C16orf74: variants seen among roughly 807,000 people sequenced by gnomAD.
C16orf74 encodes the protein calcimembrin.
Under a neutral mutation model 6.5 loss-of-function variants are expected in C16orf74, and 10 were observed. The ratio of observed to expected loss-of-function variants is 1.54; its 90% CI spans 0.95 to 2.61. The LOEUF is 2.61. Among genes scored for constraint, C16orf74 ranks in the 30% most tolerant of loss-of-function variants. C16orf74 has a pLI of 0.00. For missense variants in C16orf74, 141 were observed against 105.9 expected, an observed-to-expected ratio of 1.33 and a Z score of -1.45; for synonymous variants, 60 against 42.5, an observed-to-expected ratio of 1.41 and a Z score of -1.60.
chr16:85,735,967 G>T (rs369694), intron 1 of C16orf74, among the ~76,000 whole-genome samples: 43,965 of 152,034 alleles, frequency 0.29, 6,688 homozygotes, highest in Middle Eastern at 0.38. Context: ...GCTCAGAGAG[G>T]TGGCGGCACC....
intron 2 of C16orf74, chr16:85,710,713 T>TC (rs1267987679): frequency 6.0e-6 from 1 of 167,384 alleles, no homozygotes; most frequent in African/African-American, 2.4e-5. Context: ...TGGGGCCCCT[T>TC]CGTGCCTTTG....
At chr16:85,709,495 G>A (rs1317609983) in intron 3 of C16orf74, among the ~76,000 whole-genome samples, 13 of 147,398 alleles carry the variant, frequency 8.8e-5, no homozygotes, top group Admixed American at 1.3e-4. Context: ...CATCCCCAAT[G>A]TTATTATTAT....
intron 1 of C16orf74, among the ~76,000 whole-genome samples, chr16:85,745,557 G>C (rs2054364231): frequency 1.3e-5 from 2 of 152,138 alleles, no homozygotes; most frequent in East Asian, 1.9e-4. Context: ...CTGCTGGCTG[G>C]AGGGACCCTG....
At chr16:85,723,702 G>A (rs1253065143) in intron 2 of C16orf74, among the ~76,000 whole-genome samples, 4 of 152,222 alleles carry the variant, frequency 2.6e-5, no homozygotes, top group Non-Finnish European at 2.9e-5. Context: ...CTTGGGCAAG[G>A]CAGGCCGGAT....
At chr16:85,746,303 T>A (rs2054372716) in intron 1 of C16orf74, among the ~76,000 whole-genome samples, 1 of 152,138 alleles carries the variant, frequency 6.6e-6, no homozygotes, top group Non-Finnish European at 1.5e-5. Context: ...CTAGTGGAGA[T>A]CGCGCCACTG....
chr16:85,709,809 C>T (rs935078507), intron 3 of C16orf74, among the ~76,000 whole-genome samples: 3 of 152,234 alleles, frequency 2.0e-5, no homozygotes, highest in Admixed American at 6.5e-5. Context: ...CAAACTGCAG[C>T]GGCCAACAAG....
At chr16:85,736,860 A>G (rs1215299433) in intron 1 of C16orf74, among the ~76,000 whole-genome samples, 2 of 152,068 alleles carry the variant, frequency 1.3e-5, no homozygotes, top group Non-Finnish European at 2.9e-5. Context: ...CCTGGCCAAC[A>G]TGGTGAAACC....
intron 2 of C16orf74, among the ~76,000 whole-genome samples, chr16:85,716,335 G>A (rs531753014): frequency 1.4e-4 from 20 of 144,472 alleles, no homozygotes; most frequent in African/African-American, 4.9e-4. Context: ...AGTTGGGGGA[G>A]AAGAGGGAGG....
chr16:85,732,889 G>A (rs74872391), intron 2 of C16orf74, among the ~76,000 whole-genome samples: 7 of 152,230 alleles, frequency 4.6e-5, no homozygotes, highest in Non-Finnish European at 7.4e-5. Flanking sequence ...CTCTGGGGCC[G>A]ACAGGAAGAC....
At chr16:85,730,401 G>A (rs1261093560) in intron 2 of C16orf74, among the ~76,000 whole-genome samples, 2 of 152,076 alleles carry the variant, frequency 1.3e-5, no homozygotes, top group Non-Finnish European at 2.9e-5. Context: ...GTGCCAAGGT[G>A]CCTCCCGGCT....
In C16orf74 at chr16:85,746,629, G is replaced by C. The variant is rs141834251; in HGVS notation, c.-19+4297C>G. Among the ~76,000 whole-genome samples the C allele has an allele frequency of 3.4e-3, 519 of 152,304 alleles. 1 individual carries two copies. Among genetic ancestry groups the C allele is most frequent in the Non-Finnish European group, 5.1e-3 (347 of 68,030 alleles). On this transcript the variant is annotated intron_variant, in intron 1 of 3. Coordinates refer to ENST00000284245, the MANE Select transcript of C16orf74 (RefSeq NM_206967.3). Reference sequence around the variant, plus strand: ...CCTCCTGGGAGGAGGACCCAGAAGAGGGCAGGGCTGAAGAAGAGTCACAGC... The same window carrying C: ...CCTCCTGGGAGGAGGACCCAGAAGACGGCAGGGCTGAAGAAGAGTCACAGC...
chr16:85,719,999 C>T (rs1456149333), intron 2 of C16orf74, among the ~76,000 whole-genome samples: 2 of 151,894 alleles, frequency 1.3e-5, no homozygotes, highest in Non-Finnish European at 2.9e-5. Flanking sequence ...TAGTGCAGGT[C>T]TTTCAAAAGC....
intron 2 of C16orf74, among the ~76,000 whole-genome samples, chr16:85,724,776 TG>T (rs2054116930): frequency 6.6e-6 from 1 of 152,212 alleles, no homozygotes; most frequent in Non-Finnish European, 1.5e-5. Context: ...ACATTCATTC[TG>T]CAAACATTTG....
In C16orf74 at chr16:85,716,060, G is replaced by A. The variant is rs147608700; in HGVS notation, c.29-5753C>T. The stretch of plus-strand genomic sequence containing the variant: ...ATCGCTGATGATCGTGTCTGTAACA[G>A]GAGGGAGCTTCCCTGCTCAGTCTCC... On this transcript the variant is annotated intron_variant, in intron 2 of 3. Coordinates refer to ENST00000284245, the MANE Select transcript of C16orf74 (RefSeq NM_206967.3). 7.4e-3 allele frequency among the ~76,000 whole-genome samples: 1,128 copies of A among 152,280 alleles called. 15 individuals carry two copies. The highest frequency in any genetic ancestry group is 0.026 in the African/African-American group (1,086 of 41,538).
At chr16:85,739,321 A>C (rs1233638639) in intron 1 of C16orf74, among the ~76,000 whole-genome samples, 1 of 152,188 alleles carries the variant, frequency 6.6e-6, no homozygotes, top group Admixed American at 6.5e-5. Flanking sequence ...TTTATCATCT[A>C]TTCCCTTTTA....
intron 3 of C16orf74, 121 bp downstream of exon 3, chr16:85,710,043 C>T (rs1319899182): frequency 7.3e-6 from 6 of 820,846 alleles, no homozygotes; most frequent in East Asian, 3.4e-5. Flanking sequence ...AAATGTTTAA[C>T]GAACCCAGTG....
chr16:85,721,978 CTTTTTTTTTTTTTT>C (rs146218477), intron 2 of C16orf74, among the ~76,000 whole-genome samples: 3 of 91,124 alleles, frequency 3.3e-5, no homozygotes, highest in African/African-American at 1.3e-4. Flanking sequence ...AGATTCTAAC[CTTTTTTTTTTTTTT>C]TTTTTTTTTT....
At chr16:85,737,402 C>G (rs975689125) in intron 1 of C16orf74, among the ~76,000 whole-genome samples, 3 of 152,194 alleles carry the variant, frequency 2.0e-5, no homozygotes, top group Non-Finnish European at 2.9e-5. Flanking sequence ...AGGAGCTTTA[C>G]AAAATACCTT....
intron 2 of C16orf74, among the ~76,000 whole-genome samples, chr16:85,730,286 C>T (rs1338051874): frequency 1.3e-5 from 2 of 152,138 alleles, no homozygotes; most frequent in African/African-American, 4.8e-5. Context: ...AGCTGCCTCC[C>T]TAGAGGAGCC....
Sources: gnomAD v4.1 joint callset for allele counts (sites outside exome capture counted in the v4.1 genomes callset) on GRCh38, gnomAD v4.1.1 for gene constraint, MANE v1.5 for transcripts, NCBI Gene and HGNC (gene_info 2026-07-23, HGNC 2026-07-21) for gene names.